The following CCDC102B variants were observed in gnomAD, a reference collection of about 807,000 sequenced individuals.
CCDC102B encodes coiled-coil domain containing 102B, also known as coiled-coil domain-containing protein 102B.
A neutral mutation model predicts 57.4 loss-of-function variants in CCDC102B; 75 were observed. The observed-to-expected ratio is 1.31, with a 90% CI of 1.08 to 1.58. The LOEUF (loss-of-function observed/expected upper bound fraction) is 1.58. Ranked by LOEUF, CCDC102B falls within the 40% of genes most tolerant of loss-of-function variation. The pLI is 0.00. For synonymous variants in CCDC102B, 206 were observed against 201.9 expected, an observed-to-expected ratio of 1.02 and a Z score of -0.17; for missense variants, 636 against 582.6, an observed-to-expected ratio of 1.09 and a Z score of -0.94.
intron 7 of CCDC102B, among the ~76,000 whole-genome samples, chr18:69,042,902 A>T (rs1239538048): frequency 6.6e-6 from 1 of 152,122 alleles, no homozygotes; most frequent in Non-Finnish European, 1.5e-5. Context: ...CATAAGGTGG[A>T]ACGAGAGACT....
At chr18:68,857,866 A>G (rs1057352377) in intron 4 of CCDC102B, among the ~76,000 whole-genome samples, 8 of 152,228 alleles carry the variant, frequency 5.3e-5, no homozygotes, top group Admixed American at 2.6e-4. Context: ...CCTGTGCACA[A>G]TTTTTCAGTA....
intron 1 of CCDC102B, among the ~76,000 whole-genome samples, chr18:68,801,527 A>G (rs2035852884): frequency 6.6e-6 from 1 of 152,076 alleles, no homozygotes; most frequent in Non-Finnish European, 1.5e-5. Flanking sequence ...TGATAGAAGG[A>G]TTTTTTTAGT....
chr18:69,000,828 G>A (rs954966137), intron 6 of CCDC102B, among the ~76,000 whole-genome samples: 1 of 152,058 alleles, frequency 6.6e-6, no homozygotes, highest in Non-Finnish European at 1.5e-5. Flanking sequence ...ATTTGTAAGC[G>A]AAGTACATTA....
intron 4 of CCDC102B, among the ~76,000 whole-genome samples, chr18:68,851,567 G>T (rs1421288994): frequency 6.6e-6 from 1 of 152,188 alleles, no homozygotes; most frequent in South Asian, 2.1e-4. Flanking sequence ...GCATTGTCAA[G>T]GTACCTCTCA....
intron 6 of CCDC102B, among the ~76,000 whole-genome samples, chr18:68,931,654 G>T (rs12961875): frequency 4.6e-5 from 7 of 151,656 alleles, no homozygotes; most frequent in Admixed American, 4.6e-4. Flanking sequence ...GTAAGAATGG[G>T]GTCAGGGGAG....
chr18:68,893,168 T>C (rs976106463), intron 5 of CCDC102B, among the ~76,000 whole-genome samples: 3 of 152,210 alleles, frequency 2.0e-5, no homozygotes, highest in Admixed American at 1.3e-4. Context: ...AATTTATGAC[T>C]TTAGACATTT....
At chr18:68,786,945 C>T (rs377491239) in intron 2 of CCDC102B, among the ~76,000 whole-genome samples, 1 of 152,094 alleles carries the variant, frequency 6.6e-6, no homozygotes, top group Non-Finnish European at 1.5e-5. Flanking sequence ...GTCCATTCAG[C>T]ATGATATTGG....
chr18:68,725,037 A>G (rs763612016), intron 2 of CCDC102B, among the ~76,000 whole-genome samples: 1 of 152,226 alleles, frequency 6.6e-6, no homozygotes, highest in Non-Finnish European at 1.5e-5. Flanking sequence ...GCACCTCTTC[A>G]CAGGGCAGCA....
At chr18:68,721,401 A>G (rs1290736267) in intron 2 of CCDC102B, 2 of 152,124 alleles carry the variant, frequency 1.3e-5, no homozygotes, top group Admixed American at 1.3e-4. Context: ...TGCCTCTACC[A>G]GGGGAACCAC....
chr18:69,033,462 G>T (rs1431634540), intron 7 of CCDC102B, among the ~76,000 whole-genome samples: 1 of 152,052 alleles, frequency 6.6e-6, no homozygotes, highest in Non-Finnish European at 1.5e-5. Context: ...TGTTGCCCTA[G>T]TTCTTGCCAA....
At chr18:68,998,151 G>C (rs1387063634) in intron 6 of CCDC102B, among the ~76,000 whole-genome samples, 8 of 151,588 alleles carry the variant, frequency 5.3e-5, no homozygotes, top group Non-Finnish European at 1.2e-4. Flanking sequence ...CATAGTATGA[G>C]GTTTGATTTT....
chr18:68,952,254 A>G (rs1056501929), intron 6 of CCDC102B, among the ~76,000 whole-genome samples: 27 of 152,172 alleles, frequency 1.8e-4, no homozygotes, highest in African/African-American at 6.5e-4. Context: ...AAATATGACA[A>G]ATTGTATACC....
chr18:68,942,135 A>C (rs759322456), intron 6 of CCDC102B, among the ~76,000 whole-genome samples: 1 of 151,352 alleles, frequency 6.6e-6, no homozygotes, highest in Non-Finnish European at 1.5e-5. Context: ...AATTAATTTC[A>C]ATTTCTGTTG....
intron 6 of CCDC102B, among the ~76,000 whole-genome samples, chr18:68,956,669 G>A (rs1462728026): frequency 2.2e-5 from 3 of 137,336 alleles, no homozygotes; most frequent in Non-Finnish European, 4.6e-5. Context: ...GGATCATACG[G>A]TAGTTGTATT....
chr18:68,940,308 T>C (rs1249051852), intron 6 of CCDC102B, among the ~76,000 whole-genome samples: 3 of 151,880 alleles, frequency 2.0e-5, no homozygotes, highest in African/African-American at 7.2e-5. Flanking sequence ...TAGAAATGTG[T>C]ATTTTTTAGT....
chr18:68,822,055 T>A (rs1210560489), intron 1 of CCDC102B, among the ~76,000 whole-genome samples: 1 of 152,156 alleles, frequency 6.6e-6, no homozygotes, highest in Non-Finnish European at 1.5e-5. Flanking sequence ...CTAAAAATTA[T>A]GAAAACTACT....
chr18:69,053,563 A>G (rs972748803), intron 7 of CCDC102B, among the ~76,000 whole-genome samples: 2 of 151,672 alleles, frequency 1.3e-5, no homozygotes, highest in Admixed American at 6.6e-5. Flanking sequence ...ATAAATGAAT[A>G]TTTTCATTTA....
intron 1 of CCDC102B, among the ~76,000 whole-genome samples, chr18:68,834,521 C>T (rs1013688980): frequency 6.8e-6 from 1 of 146,840 alleles, no homozygotes; most frequent in African/African-American, 2.5e-5. Context: ...GGAATTTGGT[C>T]AGTTGTATTC....
intron 2 of CCDC102B, among the ~76,000 whole-genome samples, chr18:68,772,421 A>T (rs1001724277): frequency 1.3e-5 from 2 of 152,192 alleles, no homozygotes; most frequent in Non-Finnish European, 2.9e-5. Context: ...GCAGCTGTGA[A>T]TAACTTCTAA....
Sources: gnomAD v4.1 joint callset for allele counts (sites outside exome capture counted in the v4.1 genomes callset) on GRCh38, gnomAD v4.1.1 for gene constraint, MANE v1.5 for transcripts, NCBI Gene and HGNC (gene_info 2026-07-23, HGNC 2026-07-21) for gene names.